The following TAB2 variants were observed in gnomAD, a reference collection of about 807,000 sequenced individuals.
TAB2 encodes TGF-beta-activated kinase 1 and MAP3K7-binding protein 2.
Under a neutral mutation model 65.0 loss-of-function variants are expected in TAB2, and 3 were observed. The ratio of observed to expected loss-of-function variants is 0.05; its 90% CI spans 0.02 to 0.12. TAB2 has a LOEUF of 0.12. Among genes scored for constraint, TAB2 ranks in the 10% least tolerant of loss-of-function variants. The pLI is 1.00. For synonymous variants in TAB2, 298 were observed against 285.1 expected, an observed-to-expected ratio of 1.05 and a Z score of -0.46; for missense variants, 623 against 840.3, an observed-to-expected ratio of 0.74 and a Z score of 3.20.
chr6:149,406,997 G>A (rs913221868), intron 6 of TAB2, among the ~76,000 whole-genome samples: 63 of 152,280 alleles, frequency 4.1e-4, no homozygotes, highest in African/African-American at 1.4e-3. Context: ...GATTACAGGC[G>A]TGAGCCACAG....
chr6:149,393,579 G>A (rs1015124253), intron 3 of TAB2, among the ~76,000 whole-genome samples: 2 of 151,960 alleles, frequency 1.3e-5, no homozygotes, highest in African/African-American at 4.8e-5. Flanking sequence ...TACTAATATT[G>A]GCCTTCTGTG....
intron 1 of TAB2, among the ~76,000 whole-genome samples, chr6:149,310,843 GTCT>G (rs1202834473): frequency 6.6e-6 from 1 of 152,128 alleles, no homozygotes; most frequent in African/African-American, 2.4e-5. Flanking sequence ...AAATCACATA[GTCT>G]TCTTTGATAC....
chr6:149,312,253 T>C (rs1267001753), intron 1 of TAB2, among the ~76,000 whole-genome samples: 1 of 152,246 alleles, frequency 6.6e-6, no homozygotes, highest in Non-Finnish European at 1.5e-5. Flanking sequence ...CATGCGCACA[T>C]AAATTACCTC....
intron 1 of TAB2, among the ~76,000 whole-genome samples, chr6:149,295,770 C>CT (rs897247493): frequency 6.6e-6 from 1 of 151,816 alleles, no homozygotes; most frequent in Non-Finnish European, 1.5e-5. Flanking sequence ...GCCTGGTTAT[C>CT]TTTTTTTCTT....
At chr6:149,264,291 CA>C (rs1778216442) in intron 1 of TAB2, among the ~76,000 whole-genome samples, 2 of 152,142 alleles carry the variant, frequency 1.3e-5, no homozygotes, top group Admixed American at 1.3e-4. Flanking sequence ...GGGTCCCTGA[CA>C]GAGGGATTTA....
chr6:149,346,596 G>A (rs1780313153), intron 1 of TAB2: 1 of 152,056 alleles, frequency 6.6e-6, no homozygotes, highest in African/African-American at 2.4e-5. Context: ...TGGGATTACA[G>A]GTGCCTGCCA....
chr6:149,296,062 C>A (rs1200857078), intron 1 of TAB2, among the ~76,000 whole-genome samples: 1 of 152,196 alleles, frequency 6.6e-6, no homozygotes, highest in African/African-American at 2.4e-5. Flanking sequence ...AGCCATTGCA[C>A]CAGGCCATGC....
intron 1 of TAB2, among the ~76,000 whole-genome samples, chr6:149,283,539 G>A (rs542358449): frequency 1.3e-5 from 2 of 151,814 alleles, no homozygotes; most frequent in East Asian, 1.9e-4. Flanking sequence ...GTGAAACCCC[G>A]TCTCTACTAA....
intron 5 of TAB2, among the ~76,000 whole-genome samples, chr6:149,398,644 C>G (rs916089979): frequency 2.6e-5 from 4 of 152,074 alleles, no homozygotes; most frequent in Non-Finnish European, 5.9e-5. Context: ...TGGTGCTGTT[C>G]TAGAAACTAC....
At chr6:149,271,693 C>A (rs940764563) in intron 1 of TAB2, among the ~76,000 whole-genome samples, 14 of 152,022 alleles carry the variant, frequency 9.2e-5, no homozygotes, top group African/African-American at 3.1e-4. Context: ...TGCTTAAAAC[C>A]CTACTCTATG....
upstream of TAB2, among the ~76,000 whole-genome samples, chr6:149,315,655 C>T (rs1011971619): frequency 6.6e-6 from 1 of 152,164 alleles, no homozygotes; most frequent in Admixed American, 6.5e-5. Context: ...CATTTCGTTA[C>T]CATGTCTTTA....
At chr6:149,237,626 AT>A (rs1777519226) in intron 1 of TAB2, among the ~76,000 whole-genome samples, 1 of 152,044 alleles carries the variant, frequency 6.6e-6, no homozygotes, top group South Asian at 2.1e-4. Flanking sequence ...CAAACCCCTC[AT>A]CCGTCCTCTA....
At chr6:149,306,590 A>C (rs139704264) in intron 1 of TAB2, among the ~76,000 whole-genome samples, 4,838 of 151,484 alleles carry the variant, frequency 0.032, 247 homozygotes, top group African/African-American at 0.11. Context: ...ACAAAAAAAA[A>C]CACACACACA....
chr6:149,288,665 A>G lies in TAB2; in HGVS notation c.-121+69889A>G, dbSNP rs116205554. ...CATGAAGGAACTTGAAATACACTTT[A>G]TAAGTACTAAGCAATACTTGATAGC... On this transcript the variant is annotated intron_variant, in intron 1 of 1. Coordinates refer to the TAB2 transcript ENST00000606202. Among the ~76,000 whole-genome samples, 736 of 152,286 alleles carry G rather than the reference A, an allele frequency of 4.8e-3. 4 individuals are homozygous for G. Among genetic ancestry groups the G allele is most frequent in the African/African-American group, 0.017 (687 of 41,546 alleles).
intron 3 of TAB2, chr6:149,380,113 ACCTGTAGTC>A: frequency 1.5e-5 from 5 of 323,862 alleles, no homozygotes; most frequent in Non-Finnish European, 3.0e-5. Context: ...GGTGGCACAC[ACCTGTAGTC>A]CCAGTTACTC....
At chr6:149,277,192 G>T (rs1334217766) in intron 1 of TAB2, among the ~76,000 whole-genome samples, 3 of 152,242 alleles carry the variant, frequency 2.0e-5, no homozygotes, top group African/African-American at 4.8e-5. Flanking sequence ...TTTATCAGCA[G>T]CATGAAAACA....
At chr6:149,323,019 A>T (rs1212682316) in intron 1 of TAB2, among the ~76,000 whole-genome samples, 1 of 152,142 alleles carries the variant, frequency 6.6e-6, no homozygotes, top group South Asian at 2.1e-4. Flanking sequence ...TTCAGTCTTT[A>T]CTTCACATTA....
At chr6:149,355,027 T>C (rs1294028231) in intron 1 of TAB2, among the ~76,000 whole-genome samples, 1 of 152,202 alleles carries the variant, frequency 6.6e-6, no homozygotes, top group East Asian at 1.9e-4. Context: ...CTATAGAGAC[T>C]GCACTCTGAG....
chr6:149,262,632 T>G (rs1778178564), intron 1 of TAB2, among the ~76,000 whole-genome samples: 1 of 152,098 alleles, frequency 6.6e-6, no homozygotes, highest in South Asian at 2.1e-4. Flanking sequence ...CTTGGCTGAA[T>G]GCAAATCCTT....
Sources: allele counts gnomAD v4.1 joint callset (sites outside exome capture counted in the v4.1 genomes callset), GRCh38; gene constraint gnomAD v4.1.1; transcripts MANE v1.5; gene names NCBI Gene and HGNC (gene_info 2026-07-23, HGNC 2026-07-21).